The following SHISAL1 variants were observed in gnomAD, a reference collection of about 807,000 sequenced individuals.
SHISAL1 encodes the protein shisa like 1, also known as protein shisa-like-1.
SHISAL1 carries 9 observed loss-of-function variants against 22.6 expected under a neutral mutation model. That is an observed-to-expected ratio of 0.40 (90% confidence interval 0.24 to 0.70). The LOEUF (loss-of-function observed/expected upper bound fraction) is 0.70. SHISAL1 is among the 30% of genes least tolerant of loss of function. The pLI, the probability that SHISAL1 is intolerant of heterozygous loss-of-function variation, is 0.39. For synonymous variants in SHISAL1, 119 were observed against 115.4 expected (o/e 1.03, Z -0.20); for missense variants, 246 against 270.6 (o/e 0.91, Z 0.64).
intron 1 of SHISAL1, among the ~76,000 whole-genome samples, chr22:44,305,160 C>T (rs2055461554): frequency 6.6e-6 from 1 of 152,256 alleles, no homozygotes; most frequent in South Asian, 2.1e-4. Flanking sequence ...TGCCCCTCCA[C>T]TGAGGCCTAT....
At chr22:44,258,899 G>A (rs1340545736) in intron 4 of SHISAL1, among the ~76,000 whole-genome samples, 1 of 152,156 alleles carries the variant, frequency 6.6e-6, no homozygotes, top group African/African-American at 2.4e-5. Context: ...TGGAGGGTTG[G>A]GGGGTCAGGG....
the SHISAL1 span, among the ~76,000 whole-genome samples, chr22:44,320,202 TGGGAGAGA>T: frequency 6.6e-6 from 1 of 152,156 alleles, no homozygotes; most frequent in African/African-American, 2.4e-5. Context: ...TCTGGCAGTG[TGGGAGAGA>T]GGGACAGAAG....
chr22:44,288,487 A>T (rs1190835167), intron 3 of SHISAL1, among the ~76,000 whole-genome samples: 1 of 152,092 alleles, frequency 6.6e-6, no homozygotes, highest in Admixed American at 6.5e-5. Context: ...ATTAAAAAAA[A>T]AAAAGTTGCT....
intron 1 of SHISAL1, among the ~76,000 whole-genome samples, chr22:44,308,603 C>T (rs1238555592): frequency 6.6e-6 from 1 of 152,058 alleles, no homozygotes. Context: ...GCTTCTGACA[C>T]TCTGACTTCC....
intron 2 of SHISAL1, among the ~76,000 whole-genome samples, chr22:44,298,610 G>A (rs145230253): frequency 1.3e-5 from 2 of 152,366 alleles, no homozygotes; most frequent in African/African-American, 2.4e-5. Flanking sequence ...GCACACTCAC[G>A]CTGCTGGGCA....
At chr22:44,314,277 T>C (rs916908773), upstream of SHISAL1, among the ~76,000 whole-genome samples, 1 of 152,018 alleles carries the variant, frequency 6.6e-6, no homozygotes, top group Non-Finnish European at 1.5e-5. Context: ...TGTCTGGGGC[T>C]CAGCATAGCA....
At chr22:44,302,185 A>G (rs112539765) in intron 1 of SHISAL1, among the ~76,000 whole-genome samples, 2,436 of 152,200 alleles carry the variant, frequency 0.016, 72 homozygotes, top group African/African-American at 0.055. Context: ...TACGAAAAAT[A>G]CAAAATTAGC....
chr22:44,281,233 G>A (rs146126337), intron 4 of SHISAL1, among the ~76,000 whole-genome samples: 1 of 152,298 alleles, frequency 6.6e-6, no homozygotes, highest in Non-Finnish European at 1.5e-5. Context: ...TCCCTTACAC[G>A]GGATTTGCTG....
At chr22:44,280,866 G>A (rs1295486350) in intron 4 of SHISAL1, among the ~76,000 whole-genome samples, 1 of 152,120 alleles carries the variant, frequency 6.6e-6, no homozygotes, top group East Asian at 1.9e-4. Flanking sequence ...GGGCCAGGTG[G>A]GTGTGTCTGA....
upstream of SHISAL1, among the ~76,000 whole-genome samples, chr22:44,313,369 C>A (rs963110370): frequency 1.3e-5 from 2 of 152,198 alleles, no homozygotes; most frequent in African/African-American, 4.8e-5. Flanking sequence ...GTAAAACAAA[C>A]GGTCCCCACA....
chr22:44,297,229 C>A (rs1177836134), intron 2 of SHISAL1, among the ~76,000 whole-genome samples: 1 of 152,246 alleles, frequency 6.6e-6, no homozygotes, highest in Non-Finnish European at 1.5e-5. Context: ...ACTCACACAG[C>A]CAAGCAAGTC....
chr22:44,323,480 TCATC>T, the SHISAL1 span, among the ~76,000 whole-genome samples: 1 of 93,812 alleles, frequency 1.1e-5, no homozygotes, highest in African/African-American at 4.4e-5. Flanking sequence ...ATCCATTCAT[TCATC>T]CATCCATGCA....
chr22:44,298,278 G>C (rs538365105), intron 2 of SHISAL1, among the ~76,000 whole-genome samples: 1 of 152,218 alleles, frequency 6.6e-6, no homozygotes, highest in Admixed American at 6.5e-5. Flanking sequence ...TATTCCCATC[G>C]TACAGGGGAG....
At chr22:44,303,321 T>C (rs2055446158) in intron 1 of SHISAL1, among the ~76,000 whole-genome samples, 1 of 152,068 alleles carries the variant, frequency 6.6e-6, no homozygotes, top group Non-Finnish European at 1.5e-5. Flanking sequence ...GTTGACGCTG[T>C]TTGGAAATAG....
chr22:44,289,709 C>T (rs2055340305), intron 3 of SHISAL1, among the ~76,000 whole-genome samples: 1 of 152,230 alleles, frequency 6.6e-6, no homozygotes, highest in Non-Finnish European at 1.5e-5. Flanking sequence ...TGAAACCACT[C>T]CCCTGGCCTG....
chr22:44,252,869 C>T (rs1255868954), intron 4 of SHISAL1, among the ~76,000 whole-genome samples: 2 of 151,894 alleles, frequency 1.3e-5, no homozygotes, highest in Non-Finnish European at 2.9e-5. Context: ...GTGGTGGGTG[C>T]CTGCAGTCCC....
At chr22:44,276,422 G>A (rs140851472) in intron 4 of SHISAL1, among the ~76,000 whole-genome samples, 8 of 152,240 alleles carry the variant, frequency 5.3e-5, no homozygotes, top group Admixed American at 1.3e-4. Context: ...GGAGGCCATC[G>A]GCGGGTCTTG....
chr22:44,276,668 T>C (rs2401622), intron 4 of SHISAL1, among the ~76,000 whole-genome samples: 17,941 of 151,704 alleles, frequency 0.12, 2,599 homozygotes, highest in African/African-American at 0.33. Flanking sequence ...GCAGCGGGGA[T>C]GTGGATGTGC....
chr22:44,261,099 A>ATATATATATATAT (rs2055120697), intron 4 of SHISAL1, among the ~76,000 whole-genome samples: 1 of 129,570 alleles, frequency 7.7e-6, no homozygotes, highest in Non-Finnish European at 1.5e-5. Flanking sequence ...ATATATATAT[A>ATATATATATATAT]CACTATATGG....
Sources: allele counts gnomAD v4.1 joint callset (sites outside exome capture counted in the v4.1 genomes callset), GRCh38; gene constraint gnomAD v4.1.1; transcripts MANE v1.5; gene names NCBI Gene and HGNC (gene_info 2026-07-23, HGNC 2026-07-21).